Variants in ADCY8 observed in about 807,000 individuals in gnomAD.
ADCY8 encodes adenylate cyclase 8.
ADCY8 carries 51 observed loss-of-function variants against 119.7 expected under a neutral mutation model. The observed-to-expected ratio is 0.43, with a 90% CI of 0.34 to 0.54. The LOEUF is 0.54. Among genes scored for constraint, ADCY8 ranks in the 20% least tolerant of loss-of-function variants. The probability of loss-of-function intolerance (pLI) is 0.03; values close to 1 mark genes in which losing one functional copy is unlikely to be tolerated. For synonymous variants in ADCY8, 665 were observed against 651.0 expected (o/e 1.02, Z -0.33); for missense variants, 1,383 against 1,598.8 (o/e 0.87, Z 2.30).
intron 1 of ADCY8, 150 bp downstream of exon 1, chr8:131,039,224 A>G: frequency 8.8e-7 from 1 of 1,138,640 alleles, no homozygotes; most frequent in Non-Finnish European, 1.2e-6. Context: ...GCATTCCGCT[A>G]ACACTCAAGA....
chr8:130,995,749 T>C (rs893499067), intron 1 of ADCY8, among the ~76,000 whole-genome samples: 6 of 152,204 alleles, frequency 3.9e-5, no homozygotes, highest in African/African-American at 1.4e-4. Context: ...CTGATCACTA[T>C]ATCAAAGTAG....
At chr8:131,028,565 A>G (rs1823894252) in intron 1 of ADCY8, among the ~76,000 whole-genome samples, 1 of 152,222 alleles carries the variant, frequency 6.6e-6, no homozygotes, top group Non-Finnish European at 1.5e-5. Context: ...AAAAAGAACT[A>G]AAAAGACTCA....
At chr8:130,818,595 A>C (rs1032474915) in intron 13 of ADCY8, among the ~76,000 whole-genome samples, 1 of 152,182 alleles carries the variant, frequency 6.6e-6, no homozygotes, top group African/African-American at 2.4e-5. Context: ...CCCCCACCAG[A>C]CGCTTCTGCG....
intron 2 of ADCY8, among the ~76,000 whole-genome samples, chr8:130,987,861 T>A (rs1324190875): frequency 6.6e-6 from 1 of 152,190 alleles, no homozygotes; most frequent in African/African-American, 2.4e-5. Context: ...AACCCTAAGT[T>A]ATTACAACTG....
rs967415363 is a variant in ADCY8 at position 130,951,833 on chromosome 8, T to C, written c.1241+35A>G. The C allele has an allele frequency of 2.5e-6, 4 of 1,612,158 alleles. No individual in the cohort carries two copies. The African/African-American group carries it at 5.3e-5, about 22-fold the overall frequency. The stretch of plus-strand genomic sequence containing the variant: ...AGAGCACCCAAACACACATGGATCA[T>C]GCAAGAGCCGGGGCAAGGGTGTTGT... On this transcript the variant is annotated intron_variant, in intron 3 of 17. Coordinates refer to ENST00000286355, the MANE Select transcript of ADCY8 (RefSeq NM_001115.3).
At chr8:131,028,072 G>A (rs1195214471) in intron 1 of ADCY8, among the ~76,000 whole-genome samples, 4 of 152,214 alleles carry the variant, frequency 2.6e-5, no homozygotes, top group Non-Finnish European at 5.9e-5. Flanking sequence ...CTCAGAGGAG[G>A]AATATCTAAC....
chr8:130,845,553 T>G (rs1817269919), intron 11 of ADCY8, among the ~76,000 whole-genome samples: 1 of 152,138 alleles, frequency 6.6e-6, no homozygotes, highest in African/African-American at 2.4e-5. Context: ...TCTGGGCCAC[T>G]TACTCTCTCC....
rs929610854 is a variant in ADCY8, at chr8:130,909,581, T to C, written c.1640+127A>G. Reference sequence around the variant, plus strand: ...AGCTAATAGTTGTATGATGTTTCAGTGTCTGGTCTCCTTCCAAATAATTGC... The same window carrying C: ...AGCTAATAGTTGTATGATGTTTCAGCGTCTGGTCTCCTTCCAAATAATTGC... On this transcript the variant is annotated intron_variant, in intron 6 of 17. Transcript: ENST00000286355. The C allele has an allele frequency of 4.6e-5, 51 of 1,101,854 alleles. No homozygotes were observed. The African/African-American group carries it at 7.0e-4, about 15-fold the overall frequency. The allele number at this position is 1,101,854 out of a possible 1,614,324, so 68.3% of individuals were successfully genotyped here. A position where few individuals can be genotyped will look rare whatever the true frequency, so the allele number is the denominator to read the frequency against.
intron 14 of ADCY8, among the ~76,000 whole-genome samples, chr8:130,804,608 C>T (rs1326264870): frequency 6.6e-6 from 1 of 152,182 alleles, no homozygotes; most frequent in Non-Finnish European, 1.5e-5. Context: ...TGTAATTATG[C>T]AGTCCAGATC....
At chr8:130,903,099 T>G (rs1355617130) in intron 7 of ADCY8, among the ~76,000 whole-genome samples, 2 of 152,098 alleles carry the variant, frequency 1.3e-5, no homozygotes, top group East Asian at 3.9e-4. Flanking sequence ...TCTGAGCATC[T>G]CATTGGGTTT....
chr8:130,813,732 G>C (rs538218713), intron 14 of ADCY8, among the ~76,000 whole-genome samples: 2 of 151,692 alleles, frequency 1.3e-5, no homozygotes, highest in African/African-American at 4.8e-5. Context: ...CAATTATTTT[G>C]GGTATATAAC....
chr8:130,827,801 T>C (rs1816712543), intron 12 of ADCY8, among the ~76,000 whole-genome samples: 1 of 152,204 alleles, frequency 6.6e-6, no homozygotes, highest in Non-Finnish European at 1.5e-5. Context: ...GGACTCCAAC[T>C]CTATCCTTTC....
intron 12 of ADCY8, among the ~76,000 whole-genome samples, chr8:130,825,640 A>G (rs912094997): frequency 6.6e-6 from 1 of 152,220 alleles, no homozygotes; most frequent in South Asian, 2.1e-4. Context: ...TCTGCTTCTA[A>G]AAAGTCTGAT....
intron 8 of ADCY8, among the ~76,000 whole-genome samples, chr8:130,875,330 A>T (rs778338339): frequency 1.3e-5 from 2 of 152,134 alleles, no homozygotes; most frequent in Non-Finnish European, 2.9e-5. Flanking sequence ...AGCAGTAAAA[A>T]CTCAAGAGCA....
In ADCY8 at chr8:130,904,056, G is replaced by T. The variant is rs770752850; in HGVS notation, c.1641-14C>A. On this transcript the variant is annotated splice_polypyrimidine_tract_variant and intron_variant, in intron 6 of 17. Transcript: ENST00000286355. ...ATGTGAATCCTCCTGTGTGTAGAAG[G>T]CATAGGTCATTACACACTCCTGATG... The T allele has an allele frequency of 1.2e-6, 2 of 1,605,692 alleles. No homozygotes were observed. The highest frequency in any genetic ancestry group is 1.7e-5 in the Admixed American group (1 of 59,648).
intron 7 of ADCY8, among the ~76,000 whole-genome samples, chr8:130,894,268 G>A (rs1215020884): frequency 6.6e-6 from 1 of 152,096 alleles, no homozygotes; most frequent in Non-Finnish European, 1.5e-5. Flanking sequence ...CTACCTCTTT[G>A]GGGTTGTGCC....
intron 1 of ADCY8, among the ~76,000 whole-genome samples, chr8:131,030,390 A>G (rs1212981780): frequency 2.0e-5 from 3 of 152,220 alleles, no homozygotes; most frequent in Non-Finnish European, 4.4e-5. Flanking sequence ...AGGAAGATCC[A>G]TACCCTTCCA....
chr8:130,946,619 T>C (rs140113198), intron 3 of ADCY8, among the ~76,000 whole-genome samples: 65 of 152,310 alleles, frequency 4.3e-4, no homozygotes, highest in African/African-American at 1.5e-3. Context: ...CACAATCATA[T>C]GTGGCTAAGT....
At chr8:130,886,985 T>TA (rs1819010464) in intron 7 of ADCY8, among the ~76,000 whole-genome samples, 1 of 151,672 alleles carries the variant, frequency 6.6e-6, no homozygotes, top group Admixed American at 6.6e-5. Context: ...AAAGGGCGTT[T>TA]TTTTTTTCCT....
Sources: allele counts gnomAD v4.1 joint callset (sites outside exome capture counted in the v4.1 genomes callset), GRCh38; gene constraint gnomAD v4.1.1; transcripts MANE v1.5; gene names NCBI Gene and HGNC (gene_info 2026-07-23, HGNC 2026-07-21).